Variants in ZNF235 observed in about 807,000 individuals in gnomAD.
ZNF235 encodes zinc finger protein 235.
In ZNF235, 25 loss-of-function variants were observed where a neutral mutation model predicts 29.4. The observed-to-expected ratio is 0.85, with a 90% CI of 0.62 to 1.19. The LOEUF is 1.19. ZNF235 is among the 50% of genes most tolerant of loss of function. The pLI is 0.00. For missense variants in ZNF235, 788 were observed against 885.0 expected, an observed-to-expected ratio of 0.89 and a Z score of 1.39; for synonymous variants, 300 against 295.3, an observed-to-expected ratio of 1.02 and a Z score of -0.16.
Position 44,304,777 on chromosome 19 carries a change from C to T in ZNF235, c.-49+194G>A, listed in dbSNP as rs1164536263. 3.0e-6 allele frequency: 3 copies of T among 985,354 alleles called. No individual in the cohort carries two copies. In the African/African-American group the frequency reaches 5.2e-5, roughly 17 times the overall value. The allele number at this position is 985,354 out of a possible 1,614,324, so 61.0% of individuals were successfully genotyped here. ...ACGGCTAGGGCAGCAGACCCTCAAC[C>T]TCGAAGGACGACGCGAGCCCGCCTC... On this transcript the variant is annotated intron_variant, in intron 1 of 4. Transcript: ENST00000291182.
Position 44,305,019 on chromosome 19 carries a change from T to C in ZNF235, c.-97A>G, listed in dbSNP as rs955060083. On this transcript the variant is annotated 5_prime_UTR_variant, in exon 1 of 5. Coordinates refer to ENST00000291182, the MANE Select transcript of ZNF235 (RefSeq NM_004234.4). Reference sequence around the variant, plus strand: ...CGACCTCGCCTTCCTGGAGCGGAAGTGCCTCCGAGTGCCCACGGTTCGTGG... The same window carrying C: ...CGACCTCGCCTTCCTGGAGCGGAAGCGCCTCCGAGTGCCCACGGTTCGTGG... 1.5e-5 allele frequency: 12 copies of C among 823,604 alleles called. No homozygotes were observed. In the African/African-American group the frequency reaches 2.0e-4, roughly 14 times the overall value. The allele number at this position is 823,604 out of a possible 1,614,324, so 51.0% of individuals were successfully genotyped here.
intron 1 of ZNF235, among the ~76,000 whole-genome samples, chr19:44,303,890 A>G (rs1975792217): frequency 6.6e-6 from 1 of 152,178 alleles, no homozygotes; most frequent in Non-Finnish European, 1.5e-5. Context: ...TGTATTCTCT[A>G]TTTCCTGCAG....
At chr19:44,294,219 A>C (rs1219908452) in intron 4 of ZNF235, among the ~76,000 whole-genome samples, 1 of 152,134 alleles carries the variant, frequency 6.6e-6, no homozygotes, top group Non-Finnish European at 1.5e-5. Flanking sequence ...AATGAATGAG[A>C]CATTACAACT....
At chr19:44,297,672 AG>A (rs1198964317) in intron 4 of ZNF235, among the ~76,000 whole-genome samples, 1 of 152,110 alleles carries the variant, frequency 6.6e-6, no homozygotes, top group African/African-American at 2.4e-5. Flanking sequence ...CATGTTGGTC[AG>A]GCTGGTCTCG....
At chr19:44,298,170 G>A (rs1301437099) in intron 4 of ZNF235, among the ~76,000 whole-genome samples, 1 of 152,084 alleles carries the variant, frequency 6.6e-6, no homozygotes, top group Non-Finnish European at 1.5e-5. Flanking sequence ...CAGCATTCCA[G>A]CCAGAGAATA....
chr19:44,299,518 T>C, intron 3 of ZNF235, 88 bp downstream of exon 3: 1 of 1,536,662 alleles, frequency 6.5e-7, no homozygotes, highest in Non-Finnish European at 8.9e-7. Context: ...CAGGATAGCC[T>C]GATACAACAC....
rs766931647 is a variant in ZNF235 at position 44,303,393 on chromosome 19, G to A, written c.12C>T (p.Phe4=). The change falls in exon 2 of 5, where the codon TTC becomes TTT. Residue 4 remains phenylalanine (F), a synonymous_variant. Coordinates refer to ENST00000291182, the MANE Select transcript of ZNF235 (RefSeq NM_004234.4). ...CACAAAGGCAAACCAAACTTACCTG[G>A]AACTTGGTCATTTTTCCCCTCCTCC... MTK[F]QEAVTFKDVA... 6.2e-7 allele frequency: 1 copy of A among 1,611,424 alleles called. No individual in the cohort carries two copies. Among genetic ancestry groups the A allele is most frequent in the South Asian group, 1.1e-5 (1 of 90,872 alleles).
At chr19:44,299,036 A>C in intron 3 of ZNF235, 133 bp from the exon 4 acceptor site, 1 of 598,614 alleles carries the variant, frequency 1.7e-6, no homozygotes, top group East Asian at 2.8e-5. Flanking sequence ...TTTTGTCATG[A>C]CACATTATAA....
At position 44,303,063 on chromosome 19, in the gene ZNF235, G is replaced by A. The variant is rs189380534; in HGVS notation, c.15+327C>T. Reference sequence around the variant, plus strand: ...TTGTATACATTTATATAAAATATACGTATATATTTGTATATATAATACATA... The same window carrying A: ...TTGTATACATTTATATAAAATATACATATATATTTGTATATATAATACATA... On this transcript the variant is annotated intron_variant, in intron 2 of 4. Transcript: ENST00000291182. Among the ~76,000 whole-genome samples, 291 of 126,646 alleles carry A rather than the reference G, an allele frequency of 2.3e-3. 1 individual carries two copies. The highest frequency in any genetic ancestry group is 7.8e-3 in the African/African-American group (260 of 33,316). 83.1% of individuals were successfully genotyped at this position (126,646 alleles called of 152,430 possible). A position where few individuals can be genotyped will look rare whatever the true frequency, so the allele number is the denominator to read the frequency against.
intron 4 of ZNF235, among the ~76,000 whole-genome samples, chr19:44,293,125 A>C (rs1975607328): frequency 6.6e-6 from 1 of 152,134 alleles, no homozygotes; most frequent in African/African-American, 2.4e-5. Flanking sequence ...AAGACACAAA[A>C]GTATAAAACT....
rs1369085903 is a variant in ZNF235 at position 44,288,108 on chromosome 19, T to C, written c.1327A>G (p.Ser443Gly). The stretch of plus-strand genomic sequence containing the variant: ...CTCTGATGGGTATGAAGATTTGAGC[T>C]ACAACTAAAGCGTTTACCACAATCC... ...CGDCGKRFSC[S>G]SNLHTHQRVH... The change falls in exon 5 of 5, where the codon AGC (serine) becomes GGC (glycine). Residue 443 changes from serine to glycine, a missense_variant. Coordinates refer to ENST00000291182, the MANE Select transcript of ZNF235 (RefSeq NM_004234.4). 4 of 1,614,058 alleles carry C rather than the reference T, an allele frequency of 2.5e-6. No homozygotes were observed. The highest frequency in any genetic ancestry group is 1.7e-5 in the Admixed American group (1 of 59,994).
At chr19:44,290,662 C>T (rs1429661255) in intron 4 of ZNF235, 1 of 155,822 alleles carries the variant, frequency 6.4e-6, no homozygotes, top group Non-Finnish European at 1.4e-5. Flanking sequence ...ATGAAAAACA[C>T]ATGCTGACAT....
At chr19:44,296,823 A>C (rs1975660500) in intron 4 of ZNF235, among the ~76,000 whole-genome samples, 1 of 152,240 alleles carries the variant, frequency 6.6e-6, no homozygotes, top group Non-Finnish European at 1.5e-5. Context: ...AAATGAAATG[A>C]AACTAGCAAT....
rs937136362 is a variant in ZNF235 at position 44,299,603 on chromosome 19, T to C, written c.142+3A>G. The stretch of plus-strand genomic sequence containing the variant: ...CTGAATTACAGAGGGTGCCTGTCCT[T>C]ACCCACTGAAACCAGGTTCCTAAAG... On this transcript the variant is annotated splice_donor_region_variant and intron_variant, in intron 3 of 4. Transcript: ENST00000291182. 5 of 1,613,716 alleles carry C rather than the reference T, an allele frequency of 3.1e-6. No individual in the cohort carries two copies. The highest frequency in any genetic ancestry group is 4.2e-6 in the Non-Finnish European group (5 of 1,179,870).
intron 4 of ZNF235, among the ~76,000 whole-genome samples, chr19:44,296,140 A>G (rs1217346571): frequency 1.3e-5 from 2 of 152,208 alleles, no homozygotes; most frequent in African/African-American, 4.8e-5. Flanking sequence ...TATAAAATGG[A>G]TAGTAAGTGA....
chr19:44,301,614 G>A (rs147612250), intron 2 of ZNF235, among the ~76,000 whole-genome samples: 1 of 152,216 alleles, frequency 6.6e-6, no homozygotes, highest in African/African-American at 2.4e-5. Context: ...GGGCTTACAG[G>A]TGTGCGCCAC....
At position 44,297,569 on chromosome 19, in the gene ZNF235, T is replaced by A. The variant is rs938502889; in HGVS notation, c.238+1239A>T. Among the ~76,000 whole-genome samples the A allele has an allele frequency of 3.9e-5, 6 of 151,962 alleles. No homozygotes were observed. In the South Asian group the frequency reaches 1.0e-3, roughly 26 times the overall value. Reference sequence around the variant, plus strand: ...ACCTCTGCCTCCTGGGTTCAAGCGATTCTCCTGCCTCAGCCTCCCGAGTAG... The same window carrying A: ...ACCTCTGCCTCCTGGGTTCAAGCGAATCTCCTGCCTCAGCCTCCCGAGTAG... On this transcript the variant is annotated intron_variant, in intron 4 of 4. Coordinates refer to ENST00000291182, the MANE Select transcript of ZNF235 (RefSeq NM_004234.4).
At chr19:44,295,483 G>A (rs140884774) in intron 4 of ZNF235, among the ~76,000 whole-genome samples, 98 of 152,116 alleles carry the variant, frequency 6.4e-4, no homozygotes, top group African/African-American at 1.3e-3. Context: ...TTCATGGATC[G>A]GCAGAATCAA....
intron 3 of ZNF235, among the ~76,000 whole-genome samples, 196 bp downstream of exon 3, chr19:44,299,410 T>G (rs1975701471): frequency 6.6e-6 from 1 of 152,228 alleles, no homozygotes; most frequent in African/African-American, 2.4e-5. Context: ...CTTGTCTCTA[T>G]GCTCTAAAGA....
Sources: gnomAD v4.1 joint callset for allele counts (sites outside exome capture counted in the v4.1 genomes callset) on GRCh38, gnomAD v4.1.1 for gene constraint, MANE v1.5 for transcripts, NCBI Gene and HGNC (gene_info 2026-07-23, HGNC 2026-07-21) for gene names.